Variants in CNTNAP2 observed in about 807,000 individuals in gnomAD.
The protein encoded by CNTNAP2 is contactin associated protein 2, also known as contactin-associated protein-like 2.
CNTNAP2 carries 98 observed loss-of-function variants against 155.2 expected under a neutral mutation model. The ratio of observed to expected loss-of-function variants is 0.63; its 90% confidence interval spans 0.54 to 0.75. The LOEUF (loss-of-function observed/expected upper bound fraction) is 0.75. CNTNAP2 is among the 30% of genes least tolerant of loss of function. The probability of loss-of-function intolerance (pLI) is 0.00; values close to 1 mark genes in which losing one functional copy is unlikely to be tolerated. For missense variants in CNTNAP2, 1,727 were observed against 1,688.1 expected, an observed-to-expected ratio of 1.02 and a Z score of -0.40; for synonymous variants, 651 against 631.2, an observed-to-expected ratio of 1.03 and a Z score of -0.47.
In CNTNAP2 at chr7:146,426,055, G is replaced by A. The variant is rs1796082589; in HGVS notation, c.97+309082G>A. Among the ~76,000 whole-genome samples the A allele has an allele frequency of 2.0e-5, 3 of 151,322 alleles. No homozygotes were observed. In the South Asian group the frequency reaches 6.3e-4, roughly 32 times the overall value. ...ACAAAAATTAGCTGGCCGTGGCGGC[G>A]CAAGCCTGTAATATGAGCTACGCGG... On this transcript the variant is annotated intron_variant, in intron 1 of 23. Transcript: ENST00000361727.
chr7:146,274,859 A>T (rs1800139682), intron 1 of CNTNAP2, among the ~76,000 whole-genome samples: 1 of 152,150 alleles, frequency 6.6e-6, no homozygotes, highest in Admixed American at 6.6e-5. Flanking sequence ...CTTGTCTTTT[A>T]AACATTTTTA....
intron 10 of CNTNAP2, among the ~76,000 whole-genome samples, chr7:147,462,090 C>T (rs1009531589): frequency 9.8e-5 from 14 of 142,284 alleles, no homozygotes; most frequent in African/African-American, 3.9e-4. Context: ...TCTCGTGACC[C>T]AGAGTTCCTT....
At chr7:148,112,036 G>A (rs527426869) in intron 15 of CNTNAP2, among the ~76,000 whole-genome samples, 76 of 152,308 alleles carry the variant, frequency 5.0e-4, no homozygotes, top group Middle Eastern at 3.4e-3. Context: ...CAGGAACCCT[G>A]AGAAGACCCC....
chr7:148,211,293 T>C (rs952947953), intron 18 of CNTNAP2, among the ~76,000 whole-genome samples: 3 of 152,150 alleles, frequency 2.0e-5, no homozygotes, highest in Non-Finnish European at 2.9e-5. Context: ...CCAGGATATC[T>C]GGGAAGAGGT....
At chr7:148,021,443 C>T (rs1240665873) in intron 15 of CNTNAP2, among the ~76,000 whole-genome samples, 2 of 152,146 alleles carry the variant, frequency 1.3e-5, no homozygotes, top group Admixed American at 6.5e-5. Flanking sequence ...AGCCAGTCTA[C>T]ATAAATAGGG....
At chr7:148,201,169 T>C (rs887109153) in intron 18 of CNTNAP2, among the ~76,000 whole-genome samples, 4 of 152,158 alleles carry the variant, frequency 2.6e-5, no homozygotes, top group Non-Finnish European at 5.9e-5. Flanking sequence ...AGAAGCAAAA[T>C]GTCATTTGGA....
intron 1 of CNTNAP2, among the ~76,000 whole-genome samples, chr7:146,445,914 A>G (rs1255181149): frequency 6.6e-6 from 1 of 152,170 alleles, no homozygotes; most frequent in East Asian, 1.9e-4. Flanking sequence ...TAGGAAATTT[A>G]TTACAGGCAA....
intron 8 of CNTNAP2, among the ~76,000 whole-genome samples, chr7:147,225,824 AAAGAAGGAAGGAAGGAGGGAAAGAAG>A (rs1563123811): frequency 1.4e-5 from 2 of 145,578 alleles, no homozygotes; most frequent in Non-Finnish European, 1.5e-5. Flanking sequence ...GGAAAGAAGG[AAAGAAGGAAGGAAGGAGGGAAAGAAG>A]GAAGGAGGGA....
At chr7:146,995,970 G>A (rs1402375967) in intron 3 of CNTNAP2, among the ~76,000 whole-genome samples, 1 of 151,926 alleles carries the variant, frequency 6.6e-6, no homozygotes, top group Non-Finnish European at 1.5e-5. Flanking sequence ...ACCTTGCCCA[G>A]ACCAATGTCA....
intron 1 of CNTNAP2, among the ~76,000 whole-genome samples, chr7:146,319,903 G>T (rs1800971499): frequency 6.6e-6 from 1 of 152,068 alleles, no homozygotes; most frequent in African/African-American, 2.4e-5. Context: ...ATGAAGGGAG[G>T]AAAAGGCGAG....
intron 13 of CNTNAP2, among the ~76,000 whole-genome samples, chr7:147,731,707 T>C (rs1796742497): frequency 6.6e-6 from 1 of 152,046 alleles, no homozygotes; most frequent in African/African-American, 2.4e-5. Context: ...CCAAACAGAG[T>C]GATTTCTCTA....
chr7:148,399,584 C>T (rs1393419632), intron 22 of CNTNAP2, among the ~76,000 whole-genome samples: 1 of 152,160 alleles, frequency 6.6e-6, no homozygotes, highest in East Asian at 1.9e-4. Flanking sequence ...TATCCAAGGT[C>T]ATACTAAGAT....
At chr7:147,974,946 T>C (rs1431220916) in intron 14 of CNTNAP2, among the ~76,000 whole-genome samples, 1 of 151,476 alleles carries the variant, frequency 6.6e-6, no homozygotes, top group Non-Finnish European at 1.5e-5. Context: ...TGTTGTATTA[T>C]ATTTTATTTA....
intron 1 of CNTNAP2, among the ~76,000 whole-genome samples, chr7:146,224,693 C>T (rs969096048): frequency 7.2e-5 from 11 of 152,040 alleles, no homozygotes; most frequent in Admixed American, 3.3e-4. Context: ...GGCGTGAACC[C>T]GGGAGGCGGA....
chr7:146,942,277 A>G (rs1416490989), intron 3 of CNTNAP2, among the ~76,000 whole-genome samples: 2 of 152,268 alleles, frequency 1.3e-5, no homozygotes, highest in African/African-American at 2.4e-5. Flanking sequence ...GGTTAGATGA[A>G]CAAATTTATA....
At chr7:147,839,128 T>G (rs553046168) in intron 13 of CNTNAP2, among the ~76,000 whole-genome samples, 1 of 152,278 alleles carries the variant, frequency 6.6e-6, no homozygotes, top group Admixed American at 6.5e-5. Flanking sequence ...TAAGCCAGTC[T>G]AGTCTTTCCA....
intron 1 of CNTNAP2, among the ~76,000 whole-genome samples, chr7:146,509,222 C>G (rs1346133699): frequency 1.3e-5 from 2 of 152,210 alleles, no homozygotes; most frequent in Admixed American, 1.3e-4. Flanking sequence ...TGGTATTTCT[C>G]TGGCATAGTC....
intron 13 of CNTNAP2, among the ~76,000 whole-genome samples, chr7:147,769,144 CAGTT>C (rs1401290775): frequency 2.6e-5 from 4 of 152,038 alleles, no homozygotes; most frequent in African/African-American, 9.7e-5. Flanking sequence ...TTATATGATT[CAGTT>C]AGTAGATTTG....
chr7:148,045,587 T>G (rs1228994421), intron 15 of CNTNAP2, among the ~76,000 whole-genome samples: 1 of 152,196 alleles, frequency 6.6e-6, no homozygotes, highest in East Asian at 1.9e-4. Context: ...TATGAGAAAG[T>G]CCAACTTACA....
Sources: gnomAD v4.1 joint callset for allele counts (sites outside exome capture counted in the v4.1 genomes callset) on GRCh38, gnomAD v4.1.1 for gene constraint, MANE v1.5 for transcripts, NCBI Gene and HGNC (gene_info 2026-07-23, HGNC 2026-07-21) for gene names.